Variants in PPP1R12A observed in about 807,000 individuals in gnomAD.
PPP1R12A encodes the protein protein phosphatase 1 regulatory subunit 12A, also known as myosin binding subunit.
PPP1R12A carries 19 observed loss-of-function variants against 139.6 expected under a neutral mutation model. That is an observed-to-expected ratio of 0.14 (90% CI 0.09 to 0.20). The LOEUF (loss-of-function observed/expected upper bound fraction) is 0.20. PPP1R12A is among the 10% of genes least tolerant of loss of function. The pLI, the probability that PPP1R12A is intolerant of heterozygous loss-of-function variation, is 1.00. For missense variants in PPP1R12A, 925 were observed against 1,211.5 expected (o/e 0.76, Z 3.51); for synonymous variants, 427 against 420.6 (o/e 1.02, Z -0.19).
At chr12:79,855,144 A>G (rs1453642373) in intron 2 of PPP1R12A, among the ~76,000 whole-genome samples, 1 of 151,742 alleles carries the variant, frequency 6.6e-6, no homozygotes, top group Non-Finnish European at 1.5e-5. Context: ...GCCTGCCACC[A>G]CGCCCGGCTA....
chr12:79,935,117 A>G (rs1370993128), upstream of PPP1R12A: 39 of 1,363,620 alleles, frequency 2.9e-5, no homozygotes, highest in Non-Finnish European at 3.6e-5. Flanking sequence ...CACCCGGCCG[A>G]GCGGACCTCC....
chr12:79,926,069 A>G (rs991982858), intron 1 of PPP1R12A, among the ~76,000 whole-genome samples: 8 of 152,126 alleles, frequency 5.3e-5, no homozygotes, highest in Admixed American at 4.6e-4. Flanking sequence ...CCTAGAGATT[A>G]CTTTTCTAAA....
intron 1 of PPP1R12A, among the ~76,000 whole-genome samples, chr12:79,922,165 G>A (rs1887488441): frequency 6.6e-6 from 1 of 152,174 alleles, no homozygotes; most frequent in African/African-American, 2.4e-5. Context: ...AAAAGGCTGA[G>A]GTGGGAGAAT....
chr12:79,913,064 A>G (rs1370228667), intron 1 of PPP1R12A, among the ~76,000 whole-genome samples: 1 of 152,200 alleles, frequency 6.6e-6, no homozygotes, highest in Admixed American at 6.5e-5. Flanking sequence ...GTATGTGCTG[A>G]TATCTATTGT....
intron 3 of PPP1R12A, among the ~76,000 whole-genome samples, chr12:79,835,395 G>T (rs543087743): frequency 6.6e-6 from 1 of 152,256 alleles, no homozygotes; most frequent in Admixed American, 6.5e-5. Flanking sequence ...TTCTGTGTCA[G>T]TTGCTCCTAA....
intron 1 of PPP1R12A, among the ~76,000 whole-genome samples, chr12:79,901,026 C>G (rs930080488): frequency 1.3e-5 from 2 of 152,060 alleles, no homozygotes; most frequent in Non-Finnish European, 2.9e-5. Context: ...GCTATAAAGA[C>G]AAAATCAAGA....
chr12:79,828,177 G>A, intron 5 of PPP1R12A, 143 bp downstream of exon 5: 1 of 685,404 alleles, frequency 1.5e-6, no homozygotes, highest in Non-Finnish European at 2.1e-6. Flanking sequence ...AAGTCAGTTG[G>A]CTGAAAAAAT....
intron 3 of PPP1R12A, among the ~76,000 whole-genome samples, chr12:79,844,786 C>A (rs1375747494): frequency 6.6e-6 from 1 of 152,154 alleles, no homozygotes; most frequent in Admixed American, 6.5e-5. Context: ...ACTTCTGTGA[C>A]CTCATCTCCT....
chr12:79,864,684 C>T (rs1881762110), intron 2 of PPP1R12A, among the ~76,000 whole-genome samples: 1 of 152,180 alleles, frequency 6.6e-6, no homozygotes, highest in African/African-American at 2.4e-5. Flanking sequence ...TCAGAGAATA[C>T]TATAAACACT....
At chr12:79,823,133 A>C (rs186612757) in intron 5 of PPP1R12A, among the ~76,000 whole-genome samples, 1 of 152,284 alleles carries the variant, frequency 6.6e-6, no homozygotes, top group Non-Finnish European at 1.5e-5. Context: ...AAAAATTTCA[A>C]AGAGCTGCTG....
rs1461969714 is a variant in PPP1R12A, at chr12:79,821,090, T to G, written c.944A>C (p.Lys315Thr). Residue 315 changes from lysine to threonine, a missense_variant, in exon 7 of 25, where the codon AAG becomes ACG. By Grantham distance (78) the Lys-to-Thr change is moderately conservative (BLOSUM62 -1). Around this residue, in one of 4 missense-constraint regions of PPP1R12A, gnomAD observed 403 missense variants for 463.7 expected, o/e 0.87. Transcript: ENST00000450142. The part of the protein sequence containing the change: ...TANMDNNQSQ[K>T]TFKNKETLII... The stretch of plus-strand genomic sequence containing the variant: ...ATATTTTACTCACTTTTTAAAGGTC[T>G]TCTGTGACTGATTATTGTCCATATT... The G allele has an allele frequency of 6.2e-7, 1 of 1,611,188 alleles. No homozygotes were observed. The highest frequency in any genetic ancestry group is 1.3e-5 in the African/African-American group (1 of 74,850).
At chr12:79,924,827 G>C (rs539562813) in intron 1 of PPP1R12A, among the ~76,000 whole-genome samples, 2 of 152,224 alleles carry the variant, frequency 1.3e-5, no homozygotes, top group African/African-American at 4.8e-5. Flanking sequence ...GAACACAAAT[G>C]AACAGTACTT....
rs1226320752 is a variant in PPP1R12A, at chr12:79,832,499, A to G, written c.488-8T>C. ...CTGCTTCTATATCAACCCCTGATAA[A>G]ATAAAAATAGTTCTTTTTATTTTTG... On this transcript the variant is annotated splice_polypyrimidine_tract_variant and splice_region_variant and intron_variant, in intron 3 of 24. Coordinates refer to ENST00000450142, the MANE Select transcript of PPP1R12A (RefSeq NM_002480.3). The G allele has an allele frequency of 6.3e-7, 1 of 1,576,328 alleles. No individual in the cohort carries two copies. The highest frequency in any genetic ancestry group is 1.2e-5 in the South Asian group (1 of 84,592).
At chr12:79,901,320 G>A (rs1201592495) in intron 1 of PPP1R12A, among the ~76,000 whole-genome samples, 4 of 152,156 alleles carry the variant, frequency 2.6e-5, no homozygotes, top group African/African-American at 9.7e-5. Flanking sequence ...CTGAAGGGCA[G>A]CTGAAGGACA....
rs769122856 is a variant in PPP1R12A, at chr12:79,795,712, G to A, written c.2509C>T (p.Pro837Ser). The change falls in exon 18 of 25, where the codon CCT becomes TCT. Residue 837 changes from proline (P) to serine (S), a missense_variant. Around this residue, in one of 4 missense-constraint regions of PPP1R12A, gnomAD observed 315 missense variants for 363.4 expected, o/e 0.87. Transcript: ENST00000450142. ...EEKEGEDKSQPKSIRERRRPR... is the reference protein window; with the variant it reads ...EEKEGEDKSQSKSIRERRRPR... ...CGTCGTCGTTCTCTGATTGATTTAG[G>A]TTGTGATTTATCTTCTCCTTCTTTC... 1 of 1,611,450 alleles carries A rather than the reference G, an allele frequency of 6.2e-7. No individual in the cohort carries two copies. Among genetic ancestry groups the A allele is most frequent in the Non-Finnish European group, 8.5e-7 (1 of 1,178,488 alleles).
rs532614689 is a variant in PPP1R12A, at chr12:79,853,113, C to G, written c.369-7693G>C. ...ATAACAGCTTGGTGAGGATGGAAAT[C>G]TAGGATCCCTACTTGGCCTTTGCAG... On this transcript the variant is annotated intron_variant, in intron 2 of 24. Coordinates refer to ENST00000450142, the MANE Select transcript of PPP1R12A (RefSeq NM_002480.3). Among the ~76,000 whole-genome samples the G allele has an allele frequency of 5.9e-5, 9 of 152,264 alleles. No homozygotes were observed. The East Asian group carries it at 1.5e-3, about 26-fold the overall frequency.
At chr12:79,872,476 T>C (rs1038909314) in intron 2 of PPP1R12A, among the ~76,000 whole-genome samples, 2 of 152,168 alleles carry the variant, frequency 1.3e-5, no homozygotes, top group African/African-American at 4.8e-5. Context: ...TTTATGATTA[T>C]AAAGGAATGA....
intron 1 of PPP1R12A, among the ~76,000 whole-genome samples, chr12:79,902,020 AG>A (rs1400343503): frequency 1.3e-5 from 2 of 152,220 alleles, no homozygotes; most frequent in East Asian, 3.8e-4. Context: ...AAGGGTCTGA[AG>A]GGAAGTGTAG....
intron 2 of PPP1R12A, among the ~76,000 whole-genome samples, chr12:79,849,601 G>A (rs1377004875): frequency 2.0e-5 from 3 of 152,018 alleles, no homozygotes; most frequent in African/African-American, 7.2e-5. Context: ...AGATTCCTTG[G>A]AAAGAAAACA....
Sources: allele counts gnomAD v4.1 joint callset (sites outside exome capture counted in the v4.1 genomes callset), GRCh38; gene constraint gnomAD v4.1.1; regional missense constraint gnomAD v4.1.1; transcripts MANE v1.5; gene names NCBI Gene and HGNC (gene_info 2026-07-23, HGNC 2026-07-21).